The following RUNDC3B variants were observed in gnomAD, a reference collection of about 807,000 sequenced individuals.
RUNDC3B encodes RUN domain containing 3B, also known as RUN domain-containing protein 3B.
A neutral mutation model predicts 58.4 loss-of-function variants in RUNDC3B; 33 were observed. That is an observed-to-expected ratio of 0.56 (90% confidence interval 0.43 to 0.75). The LOEUF is 0.75. RUNDC3B is among the 30% of genes least tolerant of loss of function. RUNDC3B has a pLI of 0.00. For missense variants in RUNDC3B, 501 were observed against 535.7 expected (o/e 0.94, Z 0.64); for synonymous variants, 193 against 195.2 (o/e 0.99, Z 0.10).
intron 6 of RUNDC3B, among the ~76,000 whole-genome samples, chr7:87,765,668 A>T (rs1252581500): frequency 6.6e-6 from 1 of 151,952 alleles, no homozygotes; most frequent in Non-Finnish European, 1.5e-5. Context: ...ATTTGATATG[A>T]TTTCAGTTTT....
At chr7:87,750,383 G>C (rs867016491) in intron 6 of RUNDC3B, among the ~76,000 whole-genome samples, 1 of 150,976 alleles carries the variant, frequency 6.6e-6, no homozygotes, top group Non-Finnish European at 1.5e-5. Flanking sequence ...TAGTCCTTTG[G>C]GTATATACCC....
intron 9 of RUNDC3B, among the ~76,000 whole-genome samples, chr7:87,814,446 T>C (rs1201201835): frequency 2.0e-5 from 3 of 152,190 alleles, no homozygotes; most frequent in Admixed American, 2.0e-4. Context: ...TTTCTTCCTA[T>C]ACTAGGGAGT....
chr7:87,732,202 C>A (rs55680228), intron 4 of RUNDC3B, among the ~76,000 whole-genome samples: 1,736 of 151,968 alleles, frequency 0.011, 36 homozygotes, highest in African/African-American at 0.04. Context: ...TTTAAAAAAA[C>A]AAACAAATGC....
At chr7:87,753,387 G>C (rs1344182510) in intron 6 of RUNDC3B, among the ~76,000 whole-genome samples, 1 of 151,654 alleles carries the variant, frequency 6.6e-6, no homozygotes, top group African/African-American at 2.4e-5. Context: ...ATGTCTATTA[G>C]GTCCACTTGG....
At chr7:87,696,304 G>T (rs1489609935) in intron 2 of RUNDC3B, among the ~76,000 whole-genome samples, 1 of 152,050 alleles carries the variant, frequency 6.6e-6, no homozygotes, top group Non-Finnish European at 1.5e-5. Flanking sequence ...TTGAGGAGTG[G>T]TTATTTATTA....
intron 10 of RUNDC3B, among the ~76,000 whole-genome samples, chr7:87,823,624 G>C (rs905709193): frequency 1.3e-5 from 2 of 151,772 alleles, no homozygotes; most frequent in Admixed American, 1.3e-4. Context: ...TTATGCTTTT[G>C]CATCCTCATA....
rs1829331316 is a variant in RUNDC3B, at chr7:87,703,889, T to C, written c.372+3335T>C. Among the ~76,000 whole-genome samples, 4 of 104,754 alleles carry C rather than the reference T, an allele frequency of 3.8e-5. No individual in the cohort carries two copies. The Admixed American group carries it at 4.0e-4, about 10-fold the overall frequency. 68.7% of individuals were successfully genotyped at this position (104,754 alleles called of 152,430 possible). ...GGTGAGCTTTATCAGTTTTTTCTTT[T>C]TTTTTTTTTTTTTTTTTTTTTTTGG... is the stretch of plus-strand genomic sequence containing the variant. On this transcript the variant is annotated intron_variant, in intron 3 of 10. Coordinates refer to ENST00000394654, the MANE Select transcript of RUNDC3B (RefSeq NM_001134405.2).
intron 10 of RUNDC3B, among the ~76,000 whole-genome samples, chr7:87,824,818 G>C (rs372769372): frequency 2.6e-5 from 4 of 152,288 alleles, no homozygotes; most frequent in East Asian, 1.9e-4. Context: ...TTAGCAAAGA[G>C]ACTGGCAGCA....
intron 3 of RUNDC3B, among the ~76,000 whole-genome samples, chr7:87,703,914 GTTTTTTTTT>G (rs35797972): frequency 2.3e-5 from 1 of 42,970 alleles, no homozygotes; most frequent in Non-Finnish European, 4.2e-5. Flanking sequence ...TTTTTTTTTG[GTTTTTTTTT>G]TTTTTTTTTT....
At position 87,691,706 on chromosome 7, in the gene RUNDC3B, A is replaced by G. The variant is rs577212246; in HGVS notation, c.239-8715A>G. Reference sequence around the variant, plus strand: ...AAATATTTATATTCCTTCCCATTACATGTTTCACTACCTCATGTTTTTCCC... The same window carrying G: ...AAATATTTATATTCCTTCCCATTACGTGTTTCACTACCTCATGTTTTTCCC... On this transcript the variant is annotated intron_variant, in intron 2 of 10. Coordinates refer to ENST00000394654, the MANE Select transcript of RUNDC3B (RefSeq NM_001134405.2). 6.6e-5 allele frequency among the ~76,000 whole-genome samples: 10 copies of G among 152,200 alleles called. No individual in the cohort carries two copies. The East Asian group carries it at 1.4e-3, about 21-fold the overall frequency.
chr7:87,722,521 G>A (rs952593422), intron 4 of RUNDC3B, among the ~76,000 whole-genome samples: 2 of 152,200 alleles, frequency 1.3e-5, no homozygotes, highest in Non-Finnish European at 2.9e-5. Flanking sequence ...TTCAAAACAT[G>A]TGAGATCACT....
chr7:87,733,092 T>C (rs747244779), intron 4 of RUNDC3B, among the ~76,000 whole-genome samples: 38 of 152,144 alleles, frequency 2.5e-4, no homozygotes, highest in Non-Finnish European at 4.3e-4. Flanking sequence ...CATGGCAAGA[T>C]GAGGACGTTT....
intron 2 of RUNDC3B, among the ~76,000 whole-genome samples, chr7:87,682,527 C>T (rs1441939075): frequency 6.6e-6 from 1 of 152,166 alleles, no homozygotes; most frequent in Non-Finnish European, 1.5e-5. Flanking sequence ...GTGTTAGAAG[C>T]CATGAAAACA....
At chr7:87,678,343 G>C (rs1472272623) in intron 2 of RUNDC3B, among the ~76,000 whole-genome samples, 2 of 152,130 alleles carry the variant, frequency 1.3e-5, no homozygotes, top group South Asian at 4.1e-4. Flanking sequence ...TTAAAGCAAA[G>C]GCTACAGAGT....
intron 1 of RUNDC3B, among the ~76,000 whole-genome samples, chr7:87,649,324 C>A (rs1458173088): frequency 6.6e-6 from 1 of 152,160 alleles, no homozygotes; most frequent in African/African-American, 2.4e-5. Flanking sequence ...TCAACAGGTA[C>A]CTACTGGGTA....
intron 7 of RUNDC3B, among the ~76,000 whole-genome samples, chr7:87,772,662 AGAAAT>A: frequency 6.6e-6 from 1 of 152,284 alleles, no homozygotes; most frequent in South Asian, 2.1e-4. Context: ...GGGAAAGAAA[AGAAAT>A]AAGGAAAGCT....
At chr7:87,754,855 T>G (rs1833270189) in intron 6 of RUNDC3B, among the ~76,000 whole-genome samples, 1 of 146,388 alleles carries the variant, frequency 6.8e-6, no homozygotes, top group African/African-American at 2.5e-5. Flanking sequence ...ACACACACTT[T>G]CCCAAGACTG....
chr7:87,760,252 A>T (rs1833604734), intron 6 of RUNDC3B, among the ~76,000 whole-genome samples: 1 of 152,102 alleles, frequency 6.6e-6, no homozygotes, highest in Non-Finnish European at 1.5e-5. Context: ...GTGACTGAGG[A>T]ACTGAATTTT....
chr7:87,710,549 A>G (rs1407928838), intron 3 of RUNDC3B, 21 bp from the exon 4 acceptor site: 2 of 1,421,532 alleles, frequency 1.4e-6, no homozygotes, highest in East Asian at 2.3e-5. Flanking sequence ...TTTATATTTG[A>G]TTCTTTCTTC....
Sources: gnomAD v4.1 joint callset for allele counts (sites outside exome capture counted in the v4.1 genomes callset) on GRCh38, gnomAD v4.1.1 for gene constraint, MANE v1.5 for transcripts, NCBI Gene and HGNC (gene_info 2026-07-23, HGNC 2026-07-21) for gene names.